COL18A1: variants seen among roughly 807,000 people sequenced by gnomAD.
COL18A1 encodes collagen alpha-1(XVIII) chain.
In COL18A1, 133 loss-of-function variants were observed where a neutral mutation model predicts 168.0. The ratio of observed to expected loss-of-function variants is 0.79; its 90% CI spans 0.69 to 0.91. COL18A1 has a LOEUF of 0.91. Ranked by LOEUF, COL18A1 falls within the 40% of genes least tolerant of loss-of-function variation. The probability of loss-of-function intolerance (pLI) is 0.00; values close to 1 mark genes in which losing one functional copy is unlikely to be tolerated. For missense variants in COL18A1, 2,126 were observed against 1,925.4 expected (o/e 1.10, Z -1.95); for synonymous variants, 949 against 809.0 (o/e 1.17, Z -2.94).
intron 2 of COL18A1, among the ~76,000 whole-genome samples, chr21:45,430,777 C>T (rs889290660): frequency 3.9e-5 from 6 of 152,162 alleles, no homozygotes; most frequent in African/African-American, 7.2e-5. Flanking sequence ...GCCCTCAGCC[C>T]GCACTCGTCC....
At chr21:45,494,439 G>T in intron 26 of COL18A1, 106 bp from the exon 27 acceptor site, 1 of 1,543,572 alleles carries the variant, frequency 6.5e-7, no homozygotes, top group Admixed American at 1.7e-5. Flanking sequence ...ATCAGGTGGG[G>T]CACAAGCCGC....
chr21:45,476,824 T>G (rs565774733), intron 6 of COL18A1, among the ~76,000 whole-genome samples: 1 of 151,552 alleles, frequency 6.6e-6, no homozygotes, highest in Admixed American at 6.6e-5. Flanking sequence ...TGGTGTGCAG[T>G]GCATGTTGTG....
intron 2 of COL18A1, among the ~76,000 whole-genome samples, chr21:45,464,873 T>C (rs1350620130): frequency 6.6e-6 from 1 of 152,164 alleles, no homozygotes; most frequent in African/African-American, 2.4e-5. Context: ...CCTTGCCACG[T>C]AAAATTACGC....
In COL18A1 at chr21:45,410,927, G is replaced by A. The variant is rs539859388; in HGVS notation, c.106+5454G>A. Among the ~76,000 whole-genome samples, 194 of 152,162 alleles carry A rather than the reference G, an allele frequency of 1.3e-3. 1 individual carries two copies. The highest frequency in any genetic ancestry group is 4.2e-3 in the African/African-American group (173 of 41,474). ...CTGATTCGGCTGCTCTGGAGGCCTC[G>A]TCTGGACACACCTGGGCAGGCCCGA... On this transcript the variant is annotated intron_variant, in intron 2 of 41. Transcript: ENST00000651438.
At position 45,494,528 on chromosome 21, in the gene COL18A1, CTTGT is replaced by C. The variant is rs772414796; in HGVS notation, c.2353-14_2353-11del. On this transcript the variant is annotated splice_polypyrimidine_tract_variant and intron_variant, in intron 26 of 41. Coordinates refer to ENST00000651438, the MANE Select transcript of COL18A1 (RefSeq NM_001379500.1). ...ACAAGCTGCCACCTAACCCTGTCTT[CTTGT>C]TTTTTTGCTCAGGGAGAGCCGGGCT... 2 of 1,613,444 alleles carry C rather than the reference CTTGT, an allele frequency of 1.2e-6. No homozygotes were observed. The highest frequency in any genetic ancestry group is 2.2e-5 in the South Asian group (2 of 91,088).
chr21:45,422,301 G>A (rs1434232377), intron 2 of COL18A1: 2 of 357,360 alleles, frequency 5.6e-6, no homozygotes, highest in Non-Finnish European at 1.2e-5. Flanking sequence ...GGGGCAGGAG[G>A]CCCTGGGTTT....
chr21:45,419,460 T>A (rs35387814), intron 2 of COL18A1, among the ~76,000 whole-genome samples: 1 of 152,144 alleles, frequency 6.6e-6, no homozygotes, highest in Non-Finnish European at 1.5e-5. Flanking sequence ...GGCTTGGGTC[T>A]GGCTTCCTGG....
intron 3 of COL18A1, among the ~76,000 whole-genome samples, chr21:45,470,379 T>C (rs2035365863): frequency 6.6e-6 from 1 of 151,652 alleles, no homozygotes; most frequent in South Asian, 2.1e-4. Flanking sequence ...TGGTTTTGCA[T>C]GCTGCAGATT....
chr21:45,478,886 A>G (rs2145928803), intron 9 of COL18A1, among the ~76,000 whole-genome samples: 1 of 152,344 alleles, frequency 6.6e-6, no homozygotes, highest in East Asian at 1.9e-4. Flanking sequence ...GCTGGACAGG[A>G]GGGTTCAAGT....
At chr21:45,451,978 C>G (rs1018779626) in intron 2 of COL18A1, among the ~76,000 whole-genome samples, 17 of 152,246 alleles carry the variant, frequency 1.1e-4, no homozygotes, top group African/African-American at 4.1e-4. Context: ...CGTGTGTCCT[C>G]TGTCTCTGGC....
chr21:45,492,631 C>G, intron 23 of COL18A1, 56 bp from the exon 24 acceptor site: 1 of 1,610,608 alleles, frequency 6.2e-7, no homozygotes. Flanking sequence ...GGGTGGGGTC[C>G]GGGCAGGCGC....
In COL18A1 at chr21:45,463,261, G is replaced by A. The variant is rs1254190166; in HGVS notation, c.107-4981G>A. Among the ~76,000 whole-genome samples, 1 of 152,222 alleles carries A rather than the reference G, an allele frequency of 6.6e-6. No individual in the cohort carries two copies. Among genetic ancestry groups the A allele is most frequent in the African/African-American group, 2.4e-5 (1 of 41,448 alleles). ...ATCAGAGCACAGGTTCTCGATGTCTGCAGGACAGGGTCCTTTTTGCCGTCC... is the reference window on the plus strand; with the variant it reads ...ATCAGAGCACAGGTTCTCGATGTCTACAGGACAGGGTCCTTTTTGCCGTCC... On this transcript the variant is annotated intron_variant, in intron 2 of 41. Coordinates refer to ENST00000651438, the MANE Select transcript of COL18A1 (RefSeq NM_001379500.1). This position sits in a 1 kb window ranked among gnomAD's most constrained non-coding sequence, Gnocchi z 4.0.
chr21:45,491,556 T>TGTTTTTACG (rs2036353850), intron 22 of COL18A1, among the ~76,000 whole-genome samples: 1 of 144,104 alleles, frequency 6.9e-6, no homozygotes, highest in Admixed American at 6.9e-5. Flanking sequence ...CAGGGGCCAG[T>TGTTTTTACG]GTTTTTACGT....
Position 45,456,763 on chromosome 21 carries a change from C to A in COL18A1, c.107-11479C>A, listed in dbSNP as rs764709181. 3.8e-5 allele frequency: 58 copies of A among 1,540,844 alleles called. No homozygotes were observed. In the Middle Eastern group the frequency reaches 6.7e-4, roughly 18 times the overall value. On this transcript the variant is annotated intron_variant, in intron 2 of 41. Transcript: ENST00000651438. Reference sequence around the variant, plus strand: ...CCGCCCCGCCACCCTGCTGCCAGTTCTGCGAGGCCCTGCAGGATGCGTGTT... The same window carrying A: ...CCGCCCCGCCACCCTGCTGCCAGTTATGCGAGGCCCTGCAGGATGCGTGTT...
rs1382048746 is a variant in COL18A1 at position 45,468,728 on chromosome 21, A to G, written c.593A>G (p.Glu198Gly). The change falls in exon 3 of 42, where the codon GAG becomes GGG. Residue 198 changes from glutamate to glycine, a missense_variant. Physicochemically the swap from Glu to Gly is moderately conservative, Grantham distance 98 (BLOSUM62 -2). Transcript: ENST00000651438. ...CGGTCCTCACGGGGCCTGGAGCTGG[A>G]GCCTGGCGCCGGGCTCTTCGTGGCT... is the stretch of plus-strand genomic sequence containing the variant. ...LARSSRGLEL[E>G]PGAGLFVAQA... 1 of 1,611,486 alleles carries G rather than the reference A, an allele frequency of 6.2e-7. No homozygotes were observed. Among genetic ancestry groups the G allele is most frequent in the Non-Finnish European group, 8.5e-7 (1 of 1,179,888 alleles).
intron 40 of COL18A1, among the ~76,000 whole-genome samples, chr21:45,510,648 C>T (rs543087291): frequency 6.2e-4 from 95 of 152,344 alleles, no homozygotes; most frequent in African/African-American, 2.1e-3. Context: ...GGGCTGGTGG[C>T]CCCTCTGCCA....
Position 45,506,325 on chromosome 21 carries a change from C to T in COL18A1, c.3216+359C>T, listed in dbSNP as rs577333425. 4.7e-5 allele frequency: 17 copies of T among 364,076 alleles called. No homozygotes were observed. The East Asian group carries it at 7.6e-4, about 16-fold the overall frequency. The allele number at this position is 364,076 out of a possible 1,614,324, so 22.6% of individuals were successfully genotyped here. On this transcript the variant is annotated intron_variant, in intron 37 of 41. Coordinates refer to ENST00000651438, the MANE Select transcript of COL18A1 (RefSeq NM_001379500.1). ...GGGGGGCTCAGGCCCTCCAGGGCCA[C>T]GTGACGTCCACAGCACGGCCCCGGC...
intron 2 of COL18A1, among the ~76,000 whole-genome samples, chr21:45,436,829 G>A (rs1968606586): frequency 1.3e-5 from 2 of 151,592 alleles, no homozygotes; most frequent in South Asian, 2.1e-4. Context: ...AGCTGTGGCT[G>A]GGGGAGTGCC....
intron 29 of COL18A1, chr21:45,495,720 G>GCA (rs760276409): frequency 3.0e-6 from 1 of 334,476 alleles, no homozygotes; most frequent in East Asian, 6.9e-5. Context: ...ACACATACAC[G>GCA]CACACACACA....
Sources: gnomAD v4.1 joint callset for allele counts (sites outside exome capture counted in the v4.1 genomes callset) on GRCh38, gnomAD v4.1.1 for gene constraint, Gnocchi (gnomAD v3.1) non-coding constraint, MANE v1.5 for transcripts, NCBI Gene and HGNC (gene_info 2026-07-23, HGNC 2026-07-21) for gene names.